The following GRIN3A variants were observed in gnomAD, a reference collection of about 807,000 sequenced individuals.
GRIN3A encodes glutamate receptor ionotropic, NMDA 3A.
A neutral mutation model predicts 92.4 loss-of-function variants in GRIN3A; 47 were observed. The ratio of observed to expected loss-of-function variants is 0.51; its 90% CI spans 0.40 to 0.65. The LOEUF (loss-of-function observed/expected upper bound fraction) is 0.65. Among genes scored for constraint, GRIN3A ranks in the 30% least tolerant of loss-of-function variants. GRIN3A has a pLI of 0.00. For synonymous variants in GRIN3A, 527 were observed against 540.6 expected (o/e 0.97, Z 0.35); for missense variants, 1,324 against 1,393.1 (o/e 0.95, Z 0.79).
chr9:101,695,683 A>G (rs1829676378), intron 1 of GRIN3A, among the ~76,000 whole-genome samples: 1 of 152,084 alleles, frequency 6.6e-6, no homozygotes, highest in Non-Finnish European at 1.5e-5. Flanking sequence ...TATTAGCCTT[A>G]TTATTACTAT....
At chr9:101,710,367 T>C (rs994455414) in intron 1 of GRIN3A, among the ~76,000 whole-genome samples, 7 of 152,336 alleles carry the variant, frequency 4.6e-5, no homozygotes, top group Admixed American at 4.6e-4. Context: ...AATTCACTTG[T>C]TGTATAGAGA....
Position 101,686,972 on chromosome 9 carries a change from A to G in GRIN3A, c.928T>C (p.Phe310Leu). Residue 310 changes from phenylalanine to leucine, a missense_variant, in exon 2 of 9, where the codon TTC (phenylalanine) becomes CTC (leucine). Transcript: ENST00000361820. ...NLPSTQDLLS[F>L]LQIQLESIKN... Reference sequence around the variant, plus strand: ...ATACTCTCAAGCTGGATCTGTAGGAAGCTCAAGAGGTCCTGGGTGGAGGGG... The same window carrying G: ...ATACTCTCAAGCTGGATCTGTAGGAGGCTCAAGAGGTCCTGGGTGGAGGGG... 1 of 1,614,200 alleles carries G rather than the reference A, an allele frequency of 6.2e-7. No homozygotes were observed. The highest frequency in any genetic ancestry group is 8.5e-7 in the Non-Finnish European group (1 of 1,180,034).
chr9:101,629,649 T>C (rs1771802673), intron 3 of GRIN3A, among the ~76,000 whole-genome samples: 1 of 152,238 alleles, frequency 6.6e-6, no homozygotes, highest in Admixed American at 6.5e-5. Flanking sequence ...AGCATAACCT[T>C]AATGCCACAT....
chr9:101,670,952 C>T lies in GRIN3A; in HGVS notation c.1460G>A (p.Gly487Glu), dbSNP rs139560863. Residue 487 changes from glycine (G) to glutamate (E), a missense_variant, in exon 3 of 9, where the codon GGA (glycine) becomes GAA (glutamate). By Grantham distance (98) the Gly-to-Glu change is moderately conservative (BLOSUM62 -2). Transcript: ENST00000361820. ...MWTRLGSWQG[G>E]KIVMDYGIWP... ...TATTCCATAGTCCATGACAATCTTT[C>T]CCCCCTGCCAGCTGCCCAAGCGGGT... 3.7e-6 allele frequency: 6 copies of T among 1,613,930 alleles called. No individual in the cohort carries two copies. The highest frequency in any genetic ancestry group is 2.7e-5 in the African/African-American group (2 of 74,998).
chr9:101,689,753 C>T (rs559210943), intron 1 of GRIN3A, among the ~76,000 whole-genome samples: 1 of 149,498 alleles, frequency 6.7e-6, no homozygotes, highest in Non-Finnish European at 1.5e-5. Flanking sequence ...TACACACACA[C>T]ACACACACAC....
At chr9:101,646,624 A>G (rs937756894) in intron 3 of GRIN3A, among the ~76,000 whole-genome samples, 2 of 151,942 alleles carry the variant, frequency 1.3e-5, no homozygotes, top group African/African-American at 4.8e-5. Context: ...GAACATTTTA[A>G]CAATATTAAT....
Position 101,737,372 on chromosome 9 carries a change from T to C in GRIN3A, c.608A>G (p.Gln203Arg), listed in dbSNP as rs773509265. The C allele has an allele frequency of 8.7e-6, 14 of 1,614,130 alleles. No homozygotes were observed. Among genetic ancestry groups the C allele is most frequent in the Non-Finnish European group, 1.0e-5 (12 of 1,180,052 alleles). Residue 203 changes from glutamine to arginine, a missense_variant, in exon 1 of 9, where the codon CAG (glutamine) becomes CGG (arginine). By Grantham distance (43) the Gln-to-Arg change is conservative. Transcript: ENST00000361820. ...VSALLAFPQS[Q>R]GEMMELDLVS... ...CAAGTCGAGCTCCATCATTTCGCCC[T>C]GGCTCTGGGGGAAGGCGAGCAGCGC...
chr9:101,639,394 G>A (rs898279695), intron 3 of GRIN3A, among the ~76,000 whole-genome samples: 1 of 151,924 alleles, frequency 6.6e-6, no homozygotes, highest in African/African-American at 2.4e-5. Flanking sequence ...AATAACCCCG[G>A]CTTTTTGTTT....
chr9:101,588,103 G>C (rs1827971224), intron 6 of GRIN3A, among the ~76,000 whole-genome samples: 1 of 152,152 alleles, frequency 6.6e-6, no homozygotes, highest in South Asian at 2.1e-4. Flanking sequence ...AGTTTCCCAG[G>C]TGAGAGAGTC....
intron 1 of GRIN3A, among the ~76,000 whole-genome samples, chr9:101,736,728 A>G (rs368006926): frequency 2.0e-5 from 3 of 152,062 alleles, no homozygotes; most frequent in Non-Finnish European, 4.4e-5. Context: ...CAGATTTTCT[A>G]TTTACCCAGA....
At chr9:101,732,280 G>T (rs1252278062) in intron 1 of GRIN3A, among the ~76,000 whole-genome samples, 1 of 152,216 alleles carries the variant, frequency 6.6e-6, no homozygotes, top group African/African-American at 2.4e-5. Context: ...TTGTGGTGTA[G>T]TTGGCGGAAT....
chr9:101,720,131 C>T (rs2119026833), intron 1 of GRIN3A, among the ~76,000 whole-genome samples: 1 of 152,268 alleles, frequency 6.6e-6, no homozygotes, highest in South Asian at 2.1e-4. Context: ...TGTGTTGGTC[C>T]ATTGCAGGAG....
rs934622189 is a variant in GRIN3A, at chr9:101,738,303, C to T, written c.-324G>A. On this transcript the variant is annotated 5_prime_UTR_variant, in exon 1 of 9. Transcript: ENST00000361820. ...TGCCCGCCCCATCTGCAGGGCGCCT[C>T]GGGCACTGCGTCCGGCCCCGCGAGG... 2.6e-6 allele frequency: 1 copy of T among 378,744 alleles called. No homozygotes were observed. The highest frequency in any genetic ancestry group is 2.2e-5 in the African/African-American group (1 of 45,770). The allele number at this position is 378,744 out of a possible 1,614,324, so 23.5% of individuals were successfully genotyped here.
At chr9:101,594,750 C>G (rs1362847727) in intron 6 of GRIN3A, 1 of 1,614,148 alleles carries the variant, frequency 6.2e-7, no homozygotes, top group Admixed American at 1.7e-5. Flanking sequence ...ACGTCGATCA[C>G]TCGCCGCACC....
chr9:101,731,268 T>C (rs1365878109), intron 1 of GRIN3A, among the ~76,000 whole-genome samples: 2 of 152,070 alleles, frequency 1.3e-5, no homozygotes, highest in South Asian at 2.1e-4. Flanking sequence ...GTTAAGAAGG[T>C]GCTATTAGTC....
chr9:101,684,736 C>A (rs1829508861), intron 2 of GRIN3A, among the ~76,000 whole-genome samples: 1 of 152,166 alleles, frequency 6.6e-6, no homozygotes, highest in South Asian at 2.1e-4. Context: ...AGTTTCTAAA[C>A]GTTTTTAGGA....
chr9:101,577,973 A>G, intron 7 of GRIN3A, 129 bp from the exon 8 acceptor site: 1 of 689,854 alleles, frequency 1.4e-6, no homozygotes, highest in Middle Eastern at 2.4e-4. Flanking sequence ...AAATTCCAGA[A>G]ATGCCTAAAA....
chr9:101,607,158 A>T (rs62577375), intron 6 of GRIN3A, among the ~76,000 whole-genome samples: 2 of 66,884 alleles, frequency 3.0e-5, no homozygotes, highest in African/African-American at 1.1e-4. Context: ...GGAATTCAGG[A>T]AAAAAAAAAA....
intron 8 of GRIN3A, 137 bp from the exon 9 acceptor site, chr9:101,573,650 G>C: frequency 1.4e-6 from 1 of 725,070 alleles, no homozygotes; most frequent in Non-Finnish European, 2.4e-6. Context: ...GCCATGGACA[G>C]ACTACCTGCT....
Sources: allele counts gnomAD v4.1 joint callset (sites outside exome capture counted in the v4.1 genomes callset), GRCh38; gene constraint gnomAD v4.1.1; transcripts MANE v1.5; gene names NCBI Gene and HGNC (gene_info 2026-07-23, HGNC 2026-07-21).